PLEKHG5: variants seen among roughly 807,000 people sequenced by gnomAD.
PLEKHG5 encodes the protein pleckstrin homology domain-containing family G member 5.
In PLEKHG5, 52 loss-of-function variants were observed where a neutral mutation model predicts 103.8. The observed-to-expected ratio is 0.50, with a 90% CI of 0.40 to 0.63. The LOEUF (loss-of-function observed/expected upper bound fraction) is 0.63. PLEKHG5 is among the 30% of genes least tolerant of loss of function. The probability of loss-of-function intolerance (pLI) is 0.00; values close to 1 mark genes in which losing one functional copy is unlikely to be tolerated. For missense variants in PLEKHG5, 1,205 were observed against 1,347.6 expected (o/e 0.89, Z 1.66); for synonymous variants, 592 against 575.5 (o/e 1.03, Z -0.41).
At chr1:6,502,050 C>A (rs980958996) in intron 1 of PLEKHG5, among the ~76,000 whole-genome samples, 1 of 152,276 alleles carries the variant, frequency 6.6e-6, no homozygotes, top group South Asian at 2.1e-4. Flanking sequence ...TGAGCCCCAC[C>A]CTCCTGGGCG....
rs371931309 is a variant in PLEKHG5, at chr1:6,474,468, T to C, written c.422A>G (p.His141Arg). The C allele has an allele frequency of 7.4e-6, 12 of 1,613,824 alleles. No individual in the cohort carries two copies. The highest frequency in any genetic ancestry group is 1.1e-5 in the South Asian group (1 of 91,080). ...LTFEAYRFGG[H>R]YLRVKAPAKP... ...CTTCTCACCTTTGACACGAAGGTAGTGTCCCCCGAACCTGTAGGCCTCGAA... is the reference window on the plus strand; with the variant it reads ...CTTCTCACCTTTGACACGAAGGTAGCGTCCCCCGAACCTGTAGGCCTCGAA... The change falls in exon 6 of 21, where the codon CAC becomes CGC. Residue 141 changes from histidine to arginine, a missense_variant. Coordinates refer to ENST00000377728, the MANE Select transcript of PLEKHG5 (RefSeq NM_020631.6).
At chr1:6,485,691 C>T in intron 1 of PLEKHG5, 3 of 288,316 alleles carry the variant, frequency 1.0e-5, no homozygotes, top group Non-Finnish European at 1.7e-5. Context: ...CCTGCCCGGG[C>T]GACCCCCCGC....
rs376637997 is a variant in PLEKHG5, at chr1:6,469,239, G to C, written c.2052C>G (p.Asn684Lys). ...CCTGTGCACGCAGCTGTTGCAGCTG[G>C]TTCTGCAGGCAAGGTTGGGGTACAT... ...GWVDTIYNAQ[N>K]QLQQLRAQEP... The change falls in exon 19 of 21, where the codon AAC becomes AAG. Residue 684 changes from asparagine to lysine, a missense_variant and splice_region_variant. Transcript: ENST00000377728. 1.9e-6 allele frequency: 3 copies of C among 1,613,818 alleles called. No homozygotes were observed. In the African/African-American group the frequency reaches 4.0e-5, roughly 22 times the overall value.
intron 4 of PLEKHG5, 72 bp downstream of exon 4, chr1:6,475,390 G>T: frequency 7.4e-7 from 1 of 1,349,240 alleles, no homozygotes; most frequent in Non-Finnish European, 1.1e-6. Context: ...CCATCCCGGA[G>T]GAAGGCCCAG....
chr1:6,477,635 C>A lies in PLEKHG5; in HGVS notation c.-64G>T, dbSNP rs1211003907. 1 of 1,607,064 alleles carries A rather than the reference C, an allele frequency of 6.2e-7. No individual in the cohort carries two copies. The highest frequency in any genetic ancestry group is 8.5e-7 in the Non-Finnish European group (1 of 1,179,926). On this transcript the variant is annotated 5_prime_UTR_variant, in exon 2 of 21. Transcript: ENST00000377728. Reference sequence around the variant, plus strand: ...TGAGGGGCCCCCGGCGGTGCAGCTGCTGGCAGTCGGCGTGGTGACATACCT... The same window carrying A: ...TGAGGGGCCCCCGGCGGTGCAGCTGATGGCAGTCGGCGTGGTGACATACCT...
rs1172011413 is a variant in PLEKHG5, at chr1:6,471,523, G to A, written c.1246C>T (p.Leu416=). Residue 416 remains leucine (L), a synonymous_variant, in exon 12 of 21, where the codon CTA becomes TTA. Transcript: ENST00000377728. ...LEKARRTRAL[L]QPGDFLKGFK... is the part of the protein sequence containing the mutation. ...CCTTTGAGGAAGTCCCCGGGCTGTA[G>A]CAGCGCTCGCGTGCGCCGCGCCTTC... 6.2e-7 allele frequency: 1 copy of A among 1,610,368 alleles called. No homozygotes were observed. Among genetic ancestry groups the A allele is most frequent in the Non-Finnish European group, 8.5e-7 (1 of 1,178,996 alleles).
At position 6,467,383 on chromosome 1, in the gene PLEKHG5, C is replaced by A; in HGVS notation, c.*180G>T. ...AGGTGGGGTGGTACTGTGGCCTGGG[C>A]CTCCTCCACTCCATCCAGTCCGGCA... On this transcript the variant is annotated 3_prime_UTR_variant, in exon 21 of 21. Transcript: ENST00000377728. The A allele has an allele frequency of 1.3e-6, 1 of 759,168 alleles. No individual in the cohort carries two copies. The highest frequency in any genetic ancestry group is 1.4e-5 in the South Asian group (1 of 71,002). 47.0% of individuals were successfully genotyped at this position (759,168 alleles called of 1,614,324 possible).
chr1:6,467,552 C>T lies in PLEKHG5; in HGVS notation c.*11G>A. The T allele has an allele frequency of 6.2e-7, 1 of 1,613,292 alleles. No homozygotes were observed. ...TCTTGGTCAATGGCACTCTTGGGGG[C>T]CTCCCTCTGCTCAGACCTCCCTACA... On this transcript the variant is annotated 3_prime_UTR_variant, in exon 21 of 21. Coordinates refer to ENST00000377728, the MANE Select transcript of PLEKHG5 (RefSeq NM_020631.6).
chr1:6,496,543 C>T (rs1381119389), upstream of PLEKHG5: 9 of 1,592,460 alleles, frequency 5.7e-6, no homozygotes, highest in Non-Finnish European at 7.7e-6. Flanking sequence ...CAGCGCAGTC[C>T]CTTCTTTTCA....
chr1:6,507,918 G>A (rs1638368479), intron 1 of PLEKHG5, among the ~76,000 whole-genome samples: 2 of 152,204 alleles, frequency 1.3e-5, no homozygotes. Context: ...GTGTCAGACT[G>A]AGGCTTAGGG....
At chr1:6,472,649 C>G in intron 9 of PLEKHG5, 27 bp from the exon 10 acceptor site, 1 of 1,553,480 alleles carries the variant, frequency 6.4e-7, no homozygotes, top group Non-Finnish European at 8.9e-7. Flanking sequence ...ATGGGTCATT[C>G]ACGAGGCCTG....
rs1284294839 is a variant in PLEKHG5 at position 6,477,611 on chromosome 1, G to A, written c.-40C>T. 1 of 1,610,850 alleles carries A rather than the reference G, an allele frequency of 6.2e-7. No individual in the cohort carries two copies. Among genetic ancestry groups the A allele is most frequent in the South Asian group, 1.1e-5 (1 of 91,078 alleles). ...TGCTGTCACAGGCCTCGCAGAGGTT[G>A]AGGGGCCCCCGGCGGTGCAGCTGCT... On this transcript the variant is annotated 5_prime_UTR_variant, in exon 2 of 21. It introduces an in-frame stop codon into an upstream open reading frame of the 5' UTR. Coordinates refer to ENST00000377728, the MANE Select transcript of PLEKHG5 (RefSeq NM_020631.6).
At position 6,514,046 on chromosome 1, in the gene PLEKHG5, G is replaced by A. The variant is rs115206430; in HGVS notation, c.-165+5399C>T. Reference sequence around the variant, plus strand: ...TCTCGAGAAGCATAAAGCAGGGACAGGTATGGAGGTTCACGTCTACAGTCT... The same window carrying A: ...TCTCGAGAAGCATAAAGCAGGGACAAGTATGGAGGTTCACGTCTACAGTCT... On this transcript the variant is annotated intron_variant, in intron 1 of 21. Transcript: ENST00000377740. 2.5e-3 allele frequency among the ~76,000 whole-genome samples: 375 copies of A among 152,302 alleles called. 5 individuals carry two copies. Among genetic ancestry groups the A allele is most frequent in the African/African-American group, 8.7e-3 (360 of 41,572 alleles).
rs770010475 is a variant in PLEKHG5, at chr1:6,474,035, C to A, written c.569G>T (p.Arg190Leu). ...PALERVDAQS[R>L]RESLDILAPG... ...CACCAAGATGTCCAGGCTCTCCCGG[C>A]GGCTCTGGGCGTCCACACGCTCCAG... is the stretch of plus-strand genomic sequence containing the variant. The change falls in exon 7 of 21, where the codon CGC becomes CTC. Residue 190 changes from arginine to leucine, a missense_variant. By Grantham distance (102) the Arg-to-Leu change is moderately radical. Coordinates refer to ENST00000377728, the MANE Select transcript of PLEKHG5 (RefSeq NM_020631.6). The A allele has an allele frequency of 5.6e-6, 9 of 1,607,618 alleles. No homozygotes were observed. Among genetic ancestry groups the A allele is most frequent in the Non-Finnish European group, 1.7e-6 (2 of 1,177,820 alleles).
upstream of PLEKHG5, among the ~76,000 whole-genome samples, chr1:6,498,058 G>T (rs749174045): frequency 6.7e-6 from 1 of 150,360 alleles, no homozygotes; most frequent in Non-Finnish European, 1.5e-5. Flanking sequence ...CGATTCGTCT[G>T]CCCGGTCCTG....
intron 15 of PLEKHG5, 40 bp from the exon 16 acceptor site, chr1:6,470,395 T>C (rs768248095): frequency 7.4e-6 from 12 of 1,613,204 alleles, no homozygotes; most frequent in Non-Finnish European, 1.0e-5. Context: ...GGCCAGAGAC[T>C]GACTCCCATC....
rs191211514 is a variant in PLEKHG5, at chr1:6,491,059, C to T, written c.-88+578G>A. 4.7e-4 allele frequency among the ~76,000 whole-genome samples: 71 copies of T among 152,188 alleles called. No individual in the cohort carries two copies. The highest frequency in any genetic ancestry group is 3.4e-3 in the Middle Eastern group (1 of 294). On this transcript the variant is annotated intron_variant, in intron 1 of 20. Coordinates refer to ENST00000377728, the MANE Select transcript of PLEKHG5 (RefSeq NM_020631.6). The surrounding 1 kb of genome is among the most constrained non-coding windows in gnomAD (Gnocchi z 4.1). ...ATTCTGATCTGCGGCCTCCGCGGTG[C>T]CCCAGAAACAGCCCGCTTTTCTCTG...
chr1:6,496,894 AG>A, upstream of PLEKHG5: 2 of 1,381,230 alleles, frequency 1.4e-6, no homozygotes, highest in Non-Finnish European at 1.9e-6. Context: ...CAGACTTCCC[AG>A]GGGGTCCCGG....
At chr1:6,485,941 G>C in intron 1 of PLEKHG5, 1 of 983,860 alleles carries the variant, frequency 1.0e-6, no homozygotes, top group Non-Finnish European at 1.2e-6. Flanking sequence ...CTCCTGGGGA[G>C]CTCCTTGAAT....
Sources: gnomAD v4.1 joint callset for allele counts (sites outside exome capture counted in the v4.1 genomes callset) on GRCh38, gnomAD v4.1.1 for gene constraint, Gnocchi (gnomAD v3.1) non-coding constraint, MANE v1.5 for transcripts, NCBI Gene and HGNC (gene_info 2026-07-23, HGNC 2026-07-21) for gene names.